PDE4D: variants seen among roughly 807,000 people sequenced by gnomAD.
PDE4D encodes the protein 3',5'-cyclic-AMP phosphodiesterase 4D.
A neutral mutation model predicts 87.4 loss-of-function variants in PDE4D; 24 were observed. The observed-to-expected ratio is 0.27, with a 90% CI of 0.20 to 0.39. The LOEUF (loss-of-function observed/expected upper bound fraction) is 0.39. Among genes scored for constraint, PDE4D ranks in the 10% least tolerant of loss-of-function variants. The probability of loss-of-function intolerance (pLI) is 1.00; values close to 1 mark genes in which losing one functional copy is unlikely to be tolerated. For missense variants in PDE4D, 714 were observed against 1,041.0 expected (o/e 0.69, Z 4.32); for synonymous variants, 384 against 383.2 (o/e 1.00, Z -0.02).
intron 1 of PDE4D, among the ~76,000 whole-genome samples, chr5:59,262,382 C>T (rs892193152): frequency 4.6e-5 from 7 of 151,916 alleles, no homozygotes; most frequent in African/African-American, 1.7e-4. Flanking sequence ...GAAAATGTTT[C>T]TGTACAATAC....
At chr5:59,124,609 C>T (rs1209667373) in intron 5 of PDE4D, among the ~76,000 whole-genome samples, 1 of 152,164 alleles carries the variant, frequency 6.6e-6, no homozygotes, top group Non-Finnish European at 1.5e-5. Flanking sequence ...ATGGGAATTA[C>T]AGGGTGCACT....
At chr5:60,397,444 A>T (rs145294503) in intron 1 of PDE4D, among the ~76,000 whole-genome samples, 1 of 152,346 alleles carries the variant, frequency 6.6e-6, no homozygotes, top group African/African-American at 2.4e-5. Flanking sequence ...TACACAATGG[A>T]ATCCTGTTCA....
intron 1 of PDE4D, among the ~76,000 whole-genome samples, chr5:59,481,040 G>A (rs1229433551): frequency 6.6e-6 from 1 of 152,134 alleles, no homozygotes; most frequent in East Asian, 1.9e-4. Flanking sequence ...TGCAGTAGAA[G>A]TCCTAACAAG....
intron 1 of PDE4D, among the ~76,000 whole-genome samples, chr5:59,398,057 A>G (rs1789829765): frequency 7.1e-6 from 1 of 140,102 alleles, no homozygotes; most frequent in South Asian, 2.4e-4. Context: ...TGAATAGACC[A>G]ATAACAGGAT....
intron 1 of PDE4D, among the ~76,000 whole-genome samples, chr5:59,549,608 T>C (rs998138089): frequency 2.6e-5 from 4 of 152,148 alleles, no homozygotes; most frequent in African/African-American, 9.7e-5. Context: ...AAAATATATA[T>C]AACCTATTAA....
Position 60,304,621 on chromosome 5 carries a change from C to G in PDE4D, c.-89-118934G>C, listed in dbSNP as rs540210088. ...GATTGCGCCACTGCAGTCCGCAGTC[C>G]GGCCTGGGCGACAGAGCGAGACTCC... On this transcript the variant is annotated intron_variant, in intron 1 of 16. Transcript: ENST00000502484. Among the ~76,000 whole-genome samples the G allele has an allele frequency of 4.5e-5, 6 of 134,314 alleles. No homozygotes were observed. In the South Asian group the frequency reaches 1.4e-3, roughly 32 times the overall value. The allele number at this position is 134,314 out of a possible 152,430, so 88.1% of individuals were successfully genotyped here. A position where few individuals can be genotyped will look rare whatever the true frequency, so the allele number is the denominator to read the frequency against.
chr5:60,171,875 A>G (rs1157385384), intron 2 of PDE4D, among the ~76,000 whole-genome samples: 1 of 151,930 alleles, frequency 6.6e-6, no homozygotes, highest in East Asian at 1.9e-4. Flanking sequence ...AGGTTTTAAA[A>G]TGATTCGACT....
At chr5:59,507,438 G>A (rs748036376) in intron 1 of PDE4D, among the ~76,000 whole-genome samples, 1 of 152,014 alleles carries the variant, frequency 6.6e-6, no homozygotes, top group Admixed American at 6.6e-5. Flanking sequence ...AAAGACAAAT[G>A]TTCCTTTAGG....
chr5:60,179,795 C>G (rs1007536038), intron 2 of PDE4D, among the ~76,000 whole-genome samples: 1 of 151,920 alleles, frequency 6.6e-6, no homozygotes, highest in Non-Finnish European at 1.5e-5. Context: ...AAAAGCTAAA[C>G]AAAATTTTAA....
intron 1 of PDE4D, among the ~76,000 whole-genome samples, chr5:59,625,191 G>C (rs1218373951): frequency 6.6e-6 from 1 of 152,154 alleles, no homozygotes; most frequent in Non-Finnish European, 1.5e-5. Context: ...AAGGAAGTCA[G>C]AGAGATGAAG....
At chr5:59,699,973 G>A (rs567427875) in intron 1 of PDE4D, among the ~76,000 whole-genome samples, 55 of 152,192 alleles carry the variant, frequency 3.6e-4, no homozygotes, top group African/African-American at 1.3e-3. Context: ...GACAGCCTCA[G>A]GCAGGATCCC....
At chr5:59,178,013 G>A (rs1581214572) in intron 5 of PDE4D, among the ~76,000 whole-genome samples, 1 of 152,220 alleles carries the variant, frequency 6.6e-6, no homozygotes, top group South Asian at 2.1e-4. Flanking sequence ...CAGGGGGAGT[G>A]AGCCTAGAGG....
At chr5:59,899,974 C>T (rs977773381) in intron 3 of PDE4D, among the ~76,000 whole-genome samples, 5 of 152,142 alleles carry the variant, frequency 3.3e-5, no homozygotes, top group South Asian at 2.1e-4. Context: ...GGTGCAGTGG[C>T]TCATGCCTGT....
chr5:60,074,230 G>T (rs1773045228), intron 2 of PDE4D, among the ~76,000 whole-genome samples: 1 of 151,962 alleles, frequency 6.6e-6, no homozygotes. Context: ...TTTTATCTTT[G>T]TTCTCATTAG....
Position 60,353,191 on chromosome 5 carries a change from T to C in PDE4D, c.-90+134751A>G, listed in dbSNP as rs1759344052. On this transcript the variant is annotated intron_variant, in intron 1 of 16. Transcript: ENST00000502484. ...ACCTGCCACCTTGGGTCACTGCCAG[T>C]TCCATAACCACAGTGCTTTGCCACA... 2.6e-5 allele frequency among the ~76,000 whole-genome samples: 4 copies of C among 152,104 alleles called. No individual in the cohort carries two copies. In the South Asian group the frequency reaches 8.3e-4, roughly 32 times the overall value.
chr5:59,375,409 C>T (rs1430401563), intron 1 of PDE4D, among the ~76,000 whole-genome samples: 2 of 152,150 alleles, frequency 1.3e-5, no homozygotes, highest in Admixed American at 6.5e-5. Context: ...ATTATGAACA[C>T]CTTTATGCAC....
At chr5:60,045,490 T>G (rs1286190909) in intron 2 of PDE4D, among the ~76,000 whole-genome samples, 1 of 152,184 alleles carries the variant, frequency 6.6e-6, no homozygotes, top group African/African-American at 2.4e-5. Context: ...GTTTTTATGG[T>G]TTTAGGTCTA....
intron 2 of PDE4D, among the ~76,000 whole-genome samples, chr5:60,015,258 C>A (rs1161235285): frequency 6.6e-6 from 1 of 152,154 alleles, no homozygotes; most frequent in Non-Finnish European, 1.5e-5. Flanking sequence ...TGAAAAGGGA[C>A]AAGAAGTGCT....
At chr5:59,463,732 A>C (rs933390226) in intron 1 of PDE4D, among the ~76,000 whole-genome samples, 7 of 152,226 alleles carry the variant, frequency 4.6e-5, no homozygotes, top group African/African-American at 1.7e-4. Context: ...ATTTCTTTCT[A>C]AGTGTCACTG....
Sources: gnomAD v4.1 joint callset for allele counts (sites outside exome capture counted in the v4.1 genomes callset) on GRCh38, gnomAD v4.1.1 for gene constraint, MANE v1.5 for transcripts, NCBI Gene and HGNC (gene_info 2026-07-23, HGNC 2026-07-21) for gene names.